PTPRT: variants seen among roughly 807,000 people sequenced by gnomAD.
PTPRT encodes receptor-type tyrosine-protein phosphatase T.
A neutral mutation model predicts 176.8 loss-of-function variants in PTPRT; 56 were observed. That is an observed-to-expected ratio of 0.32 (90% confidence interval 0.26 to 0.40). The LOEUF (loss-of-function observed/expected upper bound fraction) is 0.40, where lower values mean the gene tolerates loss of function less well. Among genes scored for constraint, PTPRT ranks in the 10% least tolerant of loss-of-function variants. PTPRT has a pLI of 1.00. For synonymous variants in PTPRT, 783 were observed against 739.0 expected (o/e 1.06, Z -0.96); for missense variants, 1,540 against 1,908.2 (o/e 0.81, Z 3.60).
intron 2 of PTPRT, among the ~76,000 whole-genome samples, chr20:42,842,996 G>C (rs919648571): frequency 6.6e-6 from 1 of 152,182 alleles, no homozygotes; most frequent in Non-Finnish European, 1.5e-5. Flanking sequence ...GGAAGAGGGA[G>C]ATACGAACAC....
chr20:42,707,297 C>A (rs2076074802), intron 6 of PTPRT, among the ~76,000 whole-genome samples: 1 of 152,044 alleles, frequency 6.6e-6, no homozygotes, highest in Non-Finnish European at 1.5e-5. Context: ...ACATTTTCAT[C>A]CTGTTATACG....
At chr20:42,379,652 G>T (rs1377554035) in intron 9 of PTPRT, among the ~76,000 whole-genome samples, 1 of 152,140 alleles carries the variant, frequency 6.6e-6, no homozygotes, top group African/African-American at 2.4e-5. Flanking sequence ...GGCCCTGGCC[G>T]GGTGATTGGG....
intron 6 of PTPRT, among the ~76,000 whole-genome samples, chr20:42,750,640 G>A (rs2076757020): frequency 6.6e-6 from 1 of 152,178 alleles, no homozygotes; most frequent in Non-Finnish European, 1.5e-5. Context: ...ACTGATGAGT[G>A]TTCTGAGTGC....
At chr20:42,914,975 T>C (rs1000597173) in intron 1 of PTPRT, among the ~76,000 whole-genome samples, 2 of 152,104 alleles carry the variant, frequency 1.3e-5, no homozygotes, top group Admixed American at 1.3e-4. Context: ...ATTCCAATTT[T>C]CTAAACCCTT....
intron 6 of PTPRT, among the ~76,000 whole-genome samples, chr20:42,741,174 G>A (rs1345920401): frequency 1.3e-5 from 2 of 152,136 alleles, no homozygotes; most frequent in African/African-American, 4.8e-5. Flanking sequence ...AGGCACAAAG[G>A]TAAGAGAGAG....
In PTPRT at chr20:42,317,888, G is replaced by A. The variant is rs147960615; in HGVS notation, c.1866-1892C>T. On this transcript the variant is annotated intron_variant, in intron 11 of 30. Transcript: ENST00000373187. ...ATGCCTGTTGTACATACACATCTGAGTAAGAACCTGACAGTTCAGAGTGCA... is the reference window on the plus strand; with the variant it reads ...ATGCCTGTTGTACATACACATCTGAATAAGAACCTGACAGTTCAGAGTGCA... Among the ~76,000 whole-genome samples, 267 of 152,298 alleles carry A rather than the reference G, an allele frequency of 1.8e-3. 4 individuals are homozygous for A. The highest frequency in any genetic ancestry group is 6.3e-3 in the African/African-American group (262 of 41,564).
chr20:43,172,036 C>T (rs567097368), intron 1 of PTPRT, among the ~76,000 whole-genome samples: 2 of 152,294 alleles, frequency 1.3e-5, no homozygotes, highest in East Asian at 1.9e-4. Context: ...CCTCCCCTTG[C>T]CCCTTTTCAC....
chr20:42,389,629 T>G (rs2058780067), intron 9 of PTPRT, among the ~76,000 whole-genome samples: 2 of 151,958 alleles, frequency 1.3e-5, no homozygotes, highest in South Asian at 4.2e-4. Flanking sequence ...GCGAGAGACT[T>G]CTTGCTTGAG....
At chr20:42,361,550 G>C (rs1319872761) in intron 9 of PTPRT, among the ~76,000 whole-genome samples, 1 of 152,152 alleles carries the variant, frequency 6.6e-6, no homozygotes, top group Admixed American at 6.5e-5. Flanking sequence ...TGTCTACAGT[G>C]TCTAAGCTGC....
intron 1 of PTPRT, among the ~76,000 whole-genome samples, chr20:42,888,072 C>T (rs2079131498): frequency 6.6e-6 from 1 of 152,100 alleles, no homozygotes; most frequent in Non-Finnish European, 1.5e-5. Flanking sequence ...GAACTATGAG[C>T]AATAACTTTC....
chr20:42,847,867 C>T (rs927884283), intron 2 of PTPRT, among the ~76,000 whole-genome samples: 10 of 152,126 alleles, frequency 6.6e-5, no homozygotes, highest in African/African-American at 2.4e-4. Context: ...TTTTGGAAAA[C>T]AGGTGGTATT....
the PTPRT span, among the ~76,000 whole-genome samples, chr20:42,032,459 T>C: frequency 9.2e-5 from 14 of 152,156 alleles, no homozygotes; most frequent in Admixed American, 7.9e-4. Flanking sequence ...CCCATGTTGA[T>C]CCAGGCTCCT....
intron 1 of PTPRT, among the ~76,000 whole-genome samples, chr20:43,027,113 G>T (rs2146189205): frequency 6.6e-6 from 1 of 152,270 alleles, no homozygotes; most frequent in East Asian, 1.9e-4. Flanking sequence ...TAGATCATAT[G>T]GTAGCTCTAG....
intron 9 of PTPRT, among the ~76,000 whole-genome samples, chr20:42,444,203 C>T (rs939169639): frequency 1.4e-4 from 21 of 152,304 alleles, no homozygotes; most frequent in Non-Finnish European, 2.4e-4. Flanking sequence ...TAAGTCATTT[C>T]CACCTCAGGG....
intron 7 of PTPRT, among the ~76,000 whole-genome samples, chr20:42,531,999 C>T (rs141338550): frequency 6.6e-6 from 1 of 152,304 alleles, no homozygotes; most frequent in East Asian, 1.9e-4. Flanking sequence ...GATGCTTAAA[C>T]TAACAATGTC....
chr20:42,543,834 A>G (rs898997291), intron 7 of PTPRT, among the ~76,000 whole-genome samples: 5 of 152,116 alleles, frequency 3.3e-5, no homozygotes, highest in African/African-American at 1.2e-4. Flanking sequence ...GTACATCTCC[A>G]TTAGAGCTCT....
At chr20:42,060,783 C>A in the PTPRT span, among the ~76,000 whole-genome samples, 2 of 152,200 alleles carry the variant, frequency 1.3e-5, no homozygotes, top group African/African-American at 4.8e-5. Context: ...GAGACGAATA[C>A]ACTCTGTAAC....
At chr20:42,862,040 GCACACA>G (rs150327242) in intron 2 of PTPRT, among the ~76,000 whole-genome samples, 3 of 150,598 alleles carry the variant, frequency 2.0e-5, no homozygotes, top group Non-Finnish European at 3.0e-5. Flanking sequence ...TTATACACAC[GCACACA>G]CACACACACA....
rs2071212514 is a variant in PTPRT, at chr20:42,472,361, A to G, written c.1355T>C (p.Leu452Pro). 6.2e-7 allele frequency: 1 copy of G among 1,614,094 alleles called. No individual in the cohort carries two copies. The highest frequency in any genetic ancestry group is 8.5e-7 in the Non-Finnish European group (1 of 1,180,052). Residue 452 changes from leucine to proline, a missense_variant, in exon 8 of 31, where the codon CTG becomes CCG. Around this residue, in one of 11 missense-constraint regions of PTPRT, gnomAD observed 79 missense variants for 80.0 expected, o/e 0.99. Coordinates refer to ENST00000373187, the MANE Select transcript of PTPRT (RefSeq NM_007050.6). ...CAGCCGGATGGTCATGAAGGGGCGC[A>G]GGCCTCGCAGGGTGTAGTGGGAGGA... is the stretch of plus-strand genomic sequence containing the variant. The part of the protein sequence containing the change: ...QTSSHYTLRG[L>P]RPFMTIRLRL...
Sources: gnomAD v4.1 joint callset for allele counts (sites outside exome capture counted in the v4.1 genomes callset) on GRCh38, gnomAD v4.1.1 for gene constraint, gnomAD v4.1.1 regional missense constraint, MANE v1.5 for transcripts, NCBI Gene and HGNC (gene_info 2026-07-23, HGNC 2026-07-21) for gene names.